Variants in NPAS3 observed in about 807,000 individuals in gnomAD.
NPAS3 encodes the protein neuronal PAS domain protein 3, also known as neuronal PAS domain-containing protein 3.
Under a neutral mutation model 73.1 loss-of-function variants are expected in NPAS3, and 14 were observed. That is an observed-to-expected ratio of 0.19 (90% CI 0.13 to 0.30). NPAS3 has a LOEUF of 0.30. Ranked by LOEUF, NPAS3 falls within the 10% of genes least tolerant of loss-of-function variation. The probability of loss-of-function intolerance (pLI) is 1.00; values close to 1 mark genes in which losing one functional copy is unlikely to be tolerated. For synonymous variants in NPAS3, 620 were observed against 541.5 expected (o/e 1.14, Z -2.01); for missense variants, 1,096 against 1,250.0 (o/e 0.88, Z 1.86).
intron 5 of NPAS3, among the ~76,000 whole-genome samples, chr14:33,613,451 C>T (rs963839654): frequency 1.3e-5 from 2 of 152,106 alleles, no homozygotes; most frequent in East Asian, 3.9e-4. Flanking sequence ...TCCAGGATTT[C>T]CATCATGTGT....
intron 3 of NPAS3, among the ~76,000 whole-genome samples, chr14:33,220,597 C>T (rs1345496966): frequency 2.0e-5 from 3 of 152,142 alleles, no homozygotes; most frequent in African/African-American, 7.2e-5. Flanking sequence ...TCATCTTTGA[C>T]ACTGGGCAGG....
intron 3 of NPAS3, among the ~76,000 whole-genome samples, chr14:33,274,890 CA>C (rs1188744653): frequency 6.6e-6 from 1 of 152,174 alleles, no homozygotes; most frequent in Non-Finnish European, 1.5e-5. Flanking sequence ...AAGAAAAGTT[CA>C]AGGATCTTTT....
intron 5 of NPAS3, among the ~76,000 whole-genome samples, chr14:33,658,315 T>G (rs1444889950): frequency 1.3e-5 from 2 of 152,154 alleles, no homozygotes; most frequent in South Asian, 2.1e-4. Context: ...AGAACAGACT[T>G]TTGTTTCCCA....
At chr14:33,310,482 T>G (rs937406697) in intron 3 of NPAS3, among the ~76,000 whole-genome samples, 9 of 152,080 alleles carry the variant, frequency 5.9e-5, no homozygotes, top group Non-Finnish European at 1.3e-4. Flanking sequence ...AAGAACAGAT[T>G]CTGTAGTCTT....
intron 6 of NPAS3, among the ~76,000 whole-genome samples, chr14:33,686,794 C>G (rs977346499): frequency 3.9e-5 from 6 of 152,170 alleles, no homozygotes; most frequent in African/African-American, 1.4e-4. Context: ...TGTCCAACCC[C>G]TGCGCCTGAG....
rs753692483 is a variant in NPAS3 at position 33,800,806 on chromosome 14, C to T, written c.2499C>T (p.Pro833=). Residue 833 remains proline, a synonymous_variant, in exon 12 of 12, where the codon CCC becomes CCT. Coordinates refer to ENST00000356141, the Ensembl canonical transcript of NPAS3. This position sits in a 1 kb window ranked among gnomAD's most constrained non-coding sequence, Gnocchi z 6.5. ...CCACGGGCACCATCCGCTACGCGCC[C>T]GCCGAGGTGACCCTGGCCATGCAGA... is the stretch of plus-strand genomic sequence containing the variant. 6.3e-7 allele frequency: 1 copy of T among 1,597,224 alleles called. No homozygotes were observed. The highest frequency in any genetic ancestry group is 8.5e-7 in the Non-Finnish European group (1 of 1,172,708).
At chr14:33,071,854 C>A (rs1267518746) in intron 2 of NPAS3, among the ~76,000 whole-genome samples, 1 of 152,070 alleles carries the variant, frequency 6.6e-6, no homozygotes, top group Non-Finnish European at 1.5e-5. Context: ...TGACATGTTT[C>A]CATCAAATTT....
intron 3 of NPAS3, among the ~76,000 whole-genome samples, chr14:33,250,573 T>A (rs1158664384): frequency 1.3e-5 from 2 of 152,154 alleles, no homozygotes; most frequent in African/African-American, 4.8e-5. Flanking sequence ...CGCTAGACAC[T>A]TTCTAAAGTG....
intron 5 of NPAS3, chr14:33,578,278 C>T (rs1033959756): frequency 2.2e-6 from 1 of 454,550 alleles, no homozygotes; most frequent in Non-Finnish European, 4.4e-6. Flanking sequence ...ACCACAACCT[C>T]CACCTCCTGG....
In NPAS3 at chr14:33,180,157, T is replaced by C. The variant is rs935679435; in HGVS notation, c.141-35025T>C. 2.0e-5 allele frequency among the ~76,000 whole-genome samples: 3 copies of C among 151,882 alleles called. No individual in the cohort carries two copies. The East Asian group carries it at 5.8e-4, about 29-fold the overall frequency. ...ATATTTTATTTTTAATGTTCTAAAA[T>C]GTTACTGTGAAATGTGTCTTAAGAT... On this transcript the variant is annotated intron_variant, in intron 2 of 11. Coordinates refer to ENST00000356141, the Ensembl canonical transcript of NPAS3.
intron 3 of NPAS3, among the ~76,000 whole-genome samples, chr14:33,244,356 C>T (rs1353109822): frequency 1.3e-5 from 2 of 151,970 alleles, no homozygotes; most frequent in East Asian, 1.9e-4. Context: ...CATTTATTTA[C>T]TTTATCAGTC....
intron 6 of NPAS3, among the ~76,000 whole-genome samples, chr14:33,702,726 C>T (rs2060555125): frequency 6.6e-6 from 1 of 152,048 alleles, no homozygotes; most frequent in African/African-American, 2.4e-5. Flanking sequence ...GGTGGGAGGG[C>T]AAGAAGATAG....
chr14:33,136,824 G>A (rs997650883), intron 2 of NPAS3, among the ~76,000 whole-genome samples: 1 of 152,216 alleles, frequency 6.6e-6, no homozygotes, highest in African/African-American at 2.4e-5. Flanking sequence ...TTACAAAGAT[G>A]ATGGGAGCAA....
intron 4 of NPAS3, among the ~76,000 whole-genome samples, chr14:33,507,766 T>C (rs567795569): frequency 1.8e-4 from 28 of 152,132 alleles, no homozygotes; most frequent in African/African-American, 5.3e-4. Context: ...CAAGAGTTAA[T>C]TTTTCTCTGA....
chr14:33,522,305 T>C (rs1262850882), intron 4 of NPAS3, among the ~76,000 whole-genome samples: 2 of 152,152 alleles, frequency 1.3e-5, no homozygotes, highest in Non-Finnish European at 2.9e-5. Context: ...GGAATCCTTA[T>C]TTTTGTGTTT....
chr14:33,647,385 A>G (rs2058864812), intron 5 of NPAS3, among the ~76,000 whole-genome samples: 1 of 151,846 alleles, frequency 6.6e-6, no homozygotes, highest in Non-Finnish European at 1.5e-5. Context: ...GCATCTTCGA[A>G]GTGTATTAGG....
At chr14:33,288,620 A>T (rs2041973387) in intron 3 of NPAS3, among the ~76,000 whole-genome samples, 1 of 152,050 alleles carries the variant, frequency 6.6e-6, no homozygotes, top group African/African-American at 2.4e-5. Flanking sequence ...AAAAATAAAC[A>T]CATCTAAACT....
At chr14:32,944,091 C>G (rs1364683949) in intron 1 of NPAS3, among the ~76,000 whole-genome samples, 1 of 152,134 alleles carries the variant, frequency 6.6e-6, no homozygotes, top group Admixed American at 6.5e-5. Context: ...TTAATAATGA[C>G]CCTAATGTAA....
At chr14:33,175,433 T>C (rs984784824) in intron 2 of NPAS3, among the ~76,000 whole-genome samples, 37 of 152,178 alleles carry the variant, frequency 2.4e-4, no homozygotes, top group African/African-American at 8.4e-4. Context: ...GAGAATTTTT[T>C]TAGGAAGCAT....
Sources: gnomAD v4.1 joint callset for allele counts (sites outside exome capture counted in the v4.1 genomes callset) on GRCh38, gnomAD v4.1.1 for gene constraint, Gnocchi (gnomAD v3.1) non-coding constraint, MANE v1.5 for transcripts, NCBI Gene and HGNC (gene_info 2026-07-23, HGNC 2026-07-21) for gene names.